The following FAM228A variants were observed in gnomAD, a reference collection of about 807,000 sequenced individuals.
The protein encoded by FAM228A is family with sequence similarity 228 member A.
In FAM228A, 13 loss-of-function variants were observed where a neutral mutation model predicts 18.6. That is an observed-to-expected ratio of 0.70 (90% CI 0.45 to 1.11). The LOEUF (loss-of-function observed/expected upper bound fraction) is 1.11, where lower values mean the gene tolerates loss of function less well. Ranked by LOEUF, FAM228A falls within the 50% of genes least tolerant of loss-of-function variation. The pLI is 0.00. For synonymous variants in FAM228A, 77 were observed against 86.6 expected (o/e 0.89, Z 0.61); for missense variants, 240 against 242.2 (o/e 0.99, Z 0.06).
intron 5 of FAM228A, among the ~76,000 whole-genome samples, chr2:24,184,724 G>A (rs186728055): frequency 6.6e-6 from 1 of 152,058 alleles, no homozygotes; most frequent in Admixed American, 6.5e-5. Context: ...CGTCCAGGCT[G>A]GAATGCAGTG....
At position 24,191,076 on chromosome 2, in the gene FAM228A, T is replaced by G; in HGVS notation, c.*445T>G. 1 of 987,272 alleles carries G rather than the reference T, an allele frequency of 1.0e-6. No homozygotes were observed. The allele number at this position is 987,272 out of a possible 1,614,324, so 61.2% of individuals were successfully genotyped here. ...GGGCAAGATGAGATTTTTTGATATT[T>G]AAAAGGTATTTTTATATGTAGGAAT... On this transcript the variant is annotated 3_prime_UTR_variant, in exon 6 of 6. Coordinates refer to ENST00000295150, the MANE Select transcript of FAM228A (RefSeq NM_001040710.3).
chr2:24,187,682 A>G (rs1667982593), intron 5 of FAM228A, among the ~76,000 whole-genome samples: 1 of 152,156 alleles, frequency 6.6e-6, no homozygotes. Context: ...GAATCATACA[A>G]CATTTAGCCT....
Position 24,191,439 on chromosome 2 carries a change from A to G in FAM228A, c.*808A>G. ...AGTAAGGGATTCTCCGTCTGTGGTA[A>G]GTTACCTGTGACTCTTCAGCAGTTT... On this transcript the variant is annotated 3_prime_UTR_variant, in exon 6 of 6. Coordinates refer to ENST00000295150, the MANE Select transcript of FAM228A (RefSeq NM_001040710.3). 3 of 985,398 alleles carry G rather than the reference A, an allele frequency of 3.0e-6. No individual in the cohort carries two copies. In the African/African-American group the frequency reaches 5.2e-5, roughly 17 times the overall value. The allele number at this position is 985,398 out of a possible 1,614,324, so 61.0% of individuals were successfully genotyped here.
At chr2:24,184,106 A>G (rs1251819084) in intron 5 of FAM228A, among the ~76,000 whole-genome samples, 1 of 152,216 alleles carries the variant, frequency 6.6e-6, no homozygotes, top group Non-Finnish European at 1.5e-5. Context: ...CAGGCCGGGC[A>G]CGGTGGCTCA....
Position 24,190,957 on chromosome 2 carries a change from T to C in FAM228A, c.*326T>C, listed in dbSNP as rs1471284148. On this transcript the variant is annotated 3_prime_UTR_variant, in exon 6 of 6. Transcript: ENST00000295150. ...CTGCCACTTTCCTACCATTTTCCAC[T>C]TACTCCATCCAAACTGCACCAAAGA... The C allele has an allele frequency of 3.8e-6, 4 of 1,063,624 alleles. No homozygotes were observed. The highest frequency in any genetic ancestry group is 4.5e-6 in the Non-Finnish European group (4 of 880,476). The allele number at this position is 1,063,624 out of a possible 1,614,324, so 65.9% of individuals were successfully genotyped here. A position where few individuals can be genotyped will look rare whatever the true frequency, so the allele number is the denominator to read the frequency against.
intron 3 of FAM228A, chr2:24,179,139 A>T: frequency 1.8e-6 from 2 of 1,117,684 alleles, no homozygotes; most frequent in South Asian, 4.1e-5. Context: ...CAGCATGTGG[A>T]TACTTTTAAG....
intron 3 of FAM228A, among the ~76,000 whole-genome samples, chr2:24,178,250 C>T (rs1667736487): frequency 6.6e-6 from 1 of 152,180 alleles, no homozygotes; most frequent in Non-Finnish European, 1.5e-5. Context: ...CAATCAGTAA[C>T]TGATAGTCAC....
chr2:24,190,485 G>A lies in FAM228A; in HGVS notation c.475G>A (p.Ala159Thr). 1.2e-6 allele frequency: 2 copies of A among 1,614,210 alleles called. No individual in the cohort carries two copies. The highest frequency in any genetic ancestry group is 1.7e-6 in the Non-Finnish European group (2 of 1,180,040). Residue 159 changes from alanine (A) to threonine (T), a missense_variant, in exon 6 of 6, where the codon GCG becomes ACG. By Grantham distance (58) the Ala-to-Thr change is moderately conservative. Transcript: ENST00000295150. ...AAAGACGGCCGACCTAAGTCAGGCT[G>A]CGTTTGAAAGGCAGTTCCTTTCCTC... ...EKKTADLSQAAFERQFLSSKL... is the reference protein window; with the variant it reads ...EKKTADLSQATFERQFLSSKL...
intron 5 of FAM228A, chr2:24,188,408 C>A (rs1315009997): frequency 1.5e-5 from 15 of 984,714 alleles, no homozygotes; most frequent in Non-Finnish European, 1.8e-5. Flanking sequence ...CCCCTCCCCA[C>A]CCCTCCTTGA....
chr2:24,189,750 A>G (rs1668035916), intron 5 of FAM228A, among the ~76,000 whole-genome samples: 1 of 152,172 alleles, frequency 6.6e-6, no homozygotes, highest in Non-Finnish European at 1.5e-5. Flanking sequence ...TATTTGATGA[A>G]GTAAGAAAAG....
At position 24,183,665 on chromosome 2, in the gene FAM228A, A is replaced by C; in HGVS notation, c.401+20A>C. The stretch of plus-strand genomic sequence containing the variant: ...ATACAGGTACAGATGAGCAGAACAA[A>C]CAAATATTTGTTTAACTTGCAACTT... On this transcript the variant is annotated intron_variant, in intron 5 of 5. Transcript: ENST00000295150. 1 of 1,556,534 alleles carries C rather than the reference A, an allele frequency of 6.4e-7. No individual in the cohort carries two copies. The highest frequency in any genetic ancestry group is 8.7e-7 in the Non-Finnish European group (1 of 1,151,214).
Position 24,191,603 on chromosome 2 carries a change from C to T in FAM228A, c.*972C>T, listed in dbSNP as rs552305977. On this transcript the variant is annotated 3_prime_UTR_variant, in exon 6 of 6. Transcript: ENST00000295150. Reference sequence around the variant, plus strand: ...TGCCACAGTCAAGCTTGTTGACATACCCACCAGCTCACATTTACTGTTTTC... The same window carrying T: ...TGCCACAGTCAAGCTTGTTGACATATCCACCAGCTCACATTTACTGTTTTC... 1.7e-3 allele frequency: 929 copies of T among 556,234 alleles called. 2 individuals carry two copies. The highest frequency in any genetic ancestry group is 2.0e-3 in the Non-Finnish European group (882 of 437,370). 34.5% of individuals were successfully genotyped at this position (556,234 alleles called of 1,614,324 possible). A position where few individuals can be genotyped will look rare whatever the true frequency, so the allele number is the denominator to read the frequency against.
intron 1 of FAM228A, 126 bp from the exon 2 acceptor site, chr2:24,175,341 T>C: frequency 1.4e-6 from 1 of 709,002 alleles, no homozygotes; most frequent in Non-Finnish European, 2.4e-6. Context: ...GATCCCAGTT[T>C]GTTGGGTGAC....
intron 2 of FAM228A, 21 bp downstream of exon 2, chr2:24,175,594 G>A: frequency 6.3e-7 from 1 of 1,581,626 alleles, no homozygotes; most frequent in Non-Finnish European, 8.7e-7. Context: ...GTGGCGTTTT[G>A]AGACGTCATT....
At chr2:24,183,846 T>C (rs1558404186) in intron 5 of FAM228A, among the ~76,000 whole-genome samples, 1 of 152,142 alleles carries the variant, frequency 6.6e-6, no homozygotes, top group Non-Finnish European at 1.5e-5. Context: ...GTCAGTCCTG[T>C]GGAATCACCA....
rs201355955 is a variant in FAM228A, at chr2:24,190,549, G to T, written c.539G>T (p.Gly180Val). The change falls in exon 6 of 6, where the codon GGT becomes GTT. Residue 180 changes from glycine (G) to valine (V), a missense_variant. Transcript: ENST00000295150. ...SQKNKVGERK[G>V]LVSRGLGRGW... ...AAGAACAAAGTGGGTGAAAGAAAGG[G>T]TCTGGTGAGCAGAGGCCTGGGGCGG... 59 of 1,614,030 alleles carry T rather than the reference G, an allele frequency of 3.7e-5. No individual in the cohort carries two copies. The East Asian group carries it at 1.2e-3, about 34-fold the overall frequency.
At chr2:24,175,216 C>T in intron 1 of FAM228A, 42 bp downstream of exon 1, 1 of 446,732 alleles carries the variant, frequency 2.2e-6, no homozygotes. Context: ...GTCGCGGAGC[C>T]CAGGGAGGGC....
At chr2:24,188,917 G>T (rs1451684069) in intron 5 of FAM228A, among the ~76,000 whole-genome samples, 3 of 152,058 alleles carry the variant, frequency 2.0e-5, no homozygotes, top group Non-Finnish European at 4.4e-5. Context: ...CCTGAGTTTT[G>T]TTGGAATAAA....
intron 3 of FAM228A, among the ~76,000 whole-genome samples, chr2:24,179,975 A>G (rs574465021): frequency 1.3e-5 from 2 of 152,338 alleles, no homozygotes; most frequent in South Asian, 2.1e-4. Flanking sequence ...TATTAGGACT[A>G]ACAGTTTCTA....
Sources: allele counts gnomAD v4.1 joint callset (sites outside exome capture counted in the v4.1 genomes callset), GRCh38; gene constraint gnomAD v4.1.1; transcripts MANE v1.5; gene names NCBI Gene and HGNC (gene_info 2026-07-23, HGNC 2026-07-21).